Variants in PLCE1 observed in about 807,000 individuals in gnomAD.
PLCE1 encodes 1-phosphatidylinositol 4,5-bisphosphate phosphodiesterase epsilon-1.
In PLCE1, 119 loss-of-function variants were observed where a neutral mutation model predicts 242.8. The ratio of observed to expected loss-of-function variants is 0.49; its 90% CI spans 0.42 to 0.57. PLCE1 has a LOEUF of 0.57. Among genes scored for constraint, PLCE1 ranks in the 20% least tolerant of loss-of-function variants. The pLI is 0.00. For synonymous variants in PLCE1, 945 were observed against 1,017.4 expected (o/e 0.93, Z 1.35); for missense variants, 2,441 against 2,788.8 (o/e 0.88, Z 2.81).
At chr10:94,171,823 G>A (rs1187736866) in intron 4 of PLCE1, among the ~76,000 whole-genome samples, 1 of 151,892 alleles carries the variant, frequency 6.6e-6, no homozygotes, top group Non-Finnish European at 1.5e-5. Context: ...ATTCCCAAAG[G>A]TGCTTTTAAA....
chr10:94,245,588 G>A (rs2050651909), intron 7 of PLCE1, among the ~76,000 whole-genome samples: 1 of 152,168 alleles, frequency 6.6e-6, no homozygotes, highest in African/African-American at 2.4e-5. Context: ...CCGGGTTCAA[G>A]CAATTCTCCT....
At chr10:94,219,290 C>T (rs2049639888) in intron 4 of PLCE1, among the ~76,000 whole-genome samples, 1 of 152,112 alleles carries the variant, frequency 6.6e-6, no homozygotes. Flanking sequence ...TCTGTTCAAA[C>T]AAAATAAGAA....
intron 4 of PLCE1, among the ~76,000 whole-genome samples, chr10:94,206,835 C>A (rs1384908966): frequency 6.6e-6 from 1 of 152,128 alleles, no homozygotes; most frequent in Admixed American, 6.5e-5. Context: ...AAAGTGTCCC[C>A]ATAAAGCCTC....
At chr10:94,271,462 C>A (rs894981221) in intron 18 of PLCE1, among the ~76,000 whole-genome samples, 1 of 151,580 alleles carries the variant, frequency 6.6e-6, no homozygotes, top group Non-Finnish European at 1.5e-5. Context: ...CTACAGGCGC[C>A]CACCACCACG....
rs750201745 is a variant in PLCE1, at chr10:94,313,254, A to G, written c.6004A>G (p.Met2002Val). ...SSGNTMSASS[M>V]FNTEERKCLQ... ...ATCAGCCATGTGATCTTCTTGACAGATGTTTAATACAGAAGAAAGAAAATG... is the reference window on the plus strand; with the variant it reads ...ATCAGCCATGTGATCTTCTTGACAGGTGTTTAATACAGAAGAAAGAAAATG... The change falls in exon 28 of 33, where the codon ATG becomes GTG. Residue 2002 changes from methionine to valine, a missense_variant and splice_region_variant. Physicochemically the swap from Met to Val is conservative, Grantham distance 21. Coordinates refer to ENST00000371380, the MANE Select transcript of PLCE1 (RefSeq NM_016341.4). 3 of 1,614,080 alleles carry G rather than the reference A, an allele frequency of 1.9e-6. No individual in the cohort carries two copies. In the South Asian group the frequency reaches 3.3e-5, roughly 18 times the overall value.
chr10:94,127,630 C>T (rs1186554392), intron 2 of PLCE1, among the ~76,000 whole-genome samples: 3 of 152,184 alleles, frequency 2.0e-5, no homozygotes, highest in East Asian at 3.9e-4. Context: ...TAGCCTGCCA[C>T]AATCCTCATC....
At chr10:94,258,679 T>A in intron 11 of PLCE1, 121 bp from the exon 12 acceptor site, 1 of 1,146,902 alleles carries the variant, frequency 8.7e-7, no homozygotes, top group South Asian at 1.3e-5. Flanking sequence ...GAAAATAGCT[T>A]CAATCTTAAA....
At chr10:94,256,555 T>C (rs1056493637) in intron 11 of PLCE1, among the ~76,000 whole-genome samples, 3 of 152,138 alleles carry the variant, frequency 2.0e-5, no homozygotes, top group Non-Finnish European at 4.4e-5. Context: ...TTTAGATTCA[T>C]AACAAAACTA....
chr10:94,182,462 G>C (rs1260660113), intron 4 of PLCE1, among the ~76,000 whole-genome samples: 1 of 150,428 alleles, frequency 6.6e-6, no homozygotes, highest in Non-Finnish European at 1.5e-5. Context: ...TAGAGATGGG[G>C]TTTCACCATG....
intron 3 of PLCE1, among the ~76,000 whole-genome samples, chr10:94,162,493 G>A (rs1438564678): frequency 6.6e-6 from 1 of 152,028 alleles, no homozygotes; most frequent in East Asian, 1.9e-4. Context: ...CTGTGGGATC[G>A]GTGTGATATC....
chr10:94,198,932 G>T (rs1040168810), intron 4 of PLCE1, among the ~76,000 whole-genome samples: 1 of 152,116 alleles, frequency 6.6e-6, no homozygotes, highest in Non-Finnish European at 1.5e-5. Flanking sequence ...CGCACCTGTA[G>T]TCCCAGCTAC....
At chr10:94,200,100 T>C (rs2048946679) in intron 4 of PLCE1, among the ~76,000 whole-genome samples, 1 of 152,222 alleles carries the variant, frequency 6.6e-6, no homozygotes, top group Non-Finnish European at 1.5e-5. Flanking sequence ...GAAATATCTA[T>C]AGATACACAT....
In PLCE1 at chr10:94,330,452, G is replaced by T. The variant is rs2054146053; in HGVS notation, c.*2509G>T. On this transcript the variant is annotated 3_prime_UTR_variant, in exon 33 of 33. Coordinates refer to ENST00000371380, the MANE Select transcript of PLCE1 (RefSeq NM_016341.4). ...CCCAACACTCTGGGAGGCTGAGGTG[G>T]GTGGATCACCTGAGGTCTGGAGTTC... 1 of 152,322 alleles carries T rather than the reference G, an allele frequency of 6.6e-6. No individual in the cohort carries two copies. The highest frequency in any genetic ancestry group is 2.4e-5 in the African/African-American group (1 of 41,564). The allele number at this position is 152,322 out of a possible 1,614,324, so 9.4% of individuals were successfully genotyped here. A position where few individuals can be genotyped will look rare whatever the true frequency, so the allele number is the denominator to read the frequency against.
intron 23 of PLCE1, among the ~76,000 whole-genome samples, chr10:94,296,339 T>G (rs1265055006): frequency 6.7e-6 from 1 of 149,322 alleles, no homozygotes; most frequent in African/African-American, 2.5e-5. Flanking sequence ...GCACTCCAAC[T>G]TGGGCGACAG....
chr10:94,176,981 A>G (rs1363878394), intron 4 of PLCE1, among the ~76,000 whole-genome samples: 1 of 152,122 alleles, frequency 6.6e-6, no homozygotes, highest in Non-Finnish European at 1.5e-5. Flanking sequence ...AGACAAGAAG[A>G]CAATCAGACA....
Position 94,031,596 on chromosome 10 carries a change from A to G in PLCE1, c.550A>G (p.Arg184Gly), listed in dbSNP as rs772902065. ...AGGCAGAGCACACCCTGACAGCAGAAGGGCAGTATTTCATTTTCATTATGA... is the reference window on the plus strand; with the variant it reads ...AGGCAGAGCACACCCTGACAGCAGAGGGGCAGTATTTCATTTTCATTATGA... ...ETGRAHPDSR[R>G]AVFHFHYEVD... The change falls in exon 2 of 33, where the codon AGG becomes GGG. Residue 184 changes from arginine (R) to glycine (G), a missense_variant. Physicochemically the swap from Arg to Gly is moderately radical, Grantham distance 125. Coordinates refer to ENST00000371380, the MANE Select transcript of PLCE1 (RefSeq NM_016341.4). 2 of 1,613,000 alleles carry G rather than the reference A, an allele frequency of 1.2e-6. No individual in the cohort carries two copies. The highest frequency in any genetic ancestry group is 4.5e-5 in the East Asian group (2 of 44,850).
chr10:94,095,767 C>G (rs1176803353), intron 2 of PLCE1, among the ~76,000 whole-genome samples: 1 of 152,196 alleles, frequency 6.6e-6, no homozygotes, highest in Non-Finnish European at 1.5e-5. Context: ...GTCTTCCTCA[C>G]TTTACAGATG....
At chr10:94,259,733 C>G (rs1325160238) in intron 13 of PLCE1, among the ~76,000 whole-genome samples, 2 of 152,146 alleles carry the variant, frequency 1.3e-5, no homozygotes, top group African/African-American at 2.4e-5. Flanking sequence ...ACCAAAAACC[C>G]TTTCCCGACT....
At chr10:94,235,855 C>A (rs2137324377) in intron 6 of PLCE1, 60 bp from the exon 7 acceptor site, 1 of 1,523,474 alleles carries the variant, frequency 6.6e-7, no homozygotes, top group Non-Finnish European at 9.1e-7. Flanking sequence ...ATTTCCCTAG[C>A]CAAGTATGTT....
Sources: allele counts gnomAD v4.1 joint callset (sites outside exome capture counted in the v4.1 genomes callset), GRCh38; gene constraint gnomAD v4.1.1; transcripts MANE v1.5; gene names NCBI Gene and HGNC (gene_info 2026-07-23, HGNC 2026-07-21).